TANC2: variants seen among roughly 807,000 people sequenced by gnomAD.
The protein encoded by TANC2 is protein TANC2.
Under a neutral mutation model 210.5 loss-of-function variants are expected in TANC2, and 26 were observed. That is an observed-to-expected ratio of 0.12 (90% CI 0.09 to 0.17). The LOEUF (loss-of-function observed/expected upper bound fraction) is 0.17, where lower values mean the gene tolerates loss of function less well. TANC2 is among the 10% of genes least tolerant of loss of function. The pLI is 1.00. For missense variants in TANC2, 2,129 were observed against 2,608.9 expected (o/e 0.82, Z 4.01); for synonymous variants, 931 against 967.1 (o/e 0.96, Z 0.69).
At chr17:63,267,611 T>C (rs1439456322) in intron 8 of TANC2, 137 bp from the exon 9 acceptor site, 6 of 721,848 alleles carry the variant, frequency 8.3e-6, no homozygotes, top group Non-Finnish European at 1.3e-5. Context: ...AATACATGTA[T>C]TTTATATATA....
At position 63,421,663 on chromosome 17, in the gene TANC2, C is replaced by A; in HGVS notation, c.5933C>A (p.Pro1978Gln). ...CCTCAGCCTGAGTCCTTCAGTCCAC[C>A]ATCATCCATCAGCAACATTGCCTTT... Residue 1978 changes from proline (P) to glutamine (Q), a missense_variant, in exon 28 of 28, where the codon CCA (proline) becomes CAA (glutamine). Around this residue, in one of 5 missense-constraint regions of TANC2, gnomAD observed 161 missense variants for 178.6 expected, o/e 0.90. Coordinates refer to ENST00000689528, the Ensembl canonical transcript of TANC2. The surrounding 1 kb of genome is among the most constrained non-coding windows in gnomAD (Gnocchi z 6.9). 6.2e-7 allele frequency: 1 copy of A among 1,614,044 alleles called. No individual in the cohort carries two copies. Among genetic ancestry groups the A allele is most frequent in the Non-Finnish European group, 8.5e-7 (1 of 1,179,884 alleles).
chr17:63,291,386 G>C (rs2044378442), intron 9 of TANC2, among the ~76,000 whole-genome samples: 1 of 152,176 alleles, frequency 6.6e-6, no homozygotes, highest in South Asian at 2.1e-4. Flanking sequence ...CTCTGCAGTT[G>C]AGAGTGGAAA....
At chr17:63,101,083 A>C (rs1030360787) in intron 4 of TANC2, among the ~76,000 whole-genome samples, 1 of 152,220 alleles carries the variant, frequency 6.6e-6, no homozygotes, top group Non-Finnish European at 1.5e-5. Flanking sequence ...TTTTCTGCCA[A>C]GTGAAGCAGA....
chr17:63,181,799 T>G (rs1187452238), intron 5 of TANC2, among the ~76,000 whole-genome samples: 2 of 152,190 alleles, frequency 1.3e-5, no homozygotes, highest in African/African-American at 4.8e-5. Flanking sequence ...TGTTGCTGTT[T>G]CCCTTGCTCT....
intron 4 of TANC2, among the ~76,000 whole-genome samples, chr17:63,147,788 A>G (rs1307908973): frequency 1.3e-5 from 2 of 152,208 alleles, no homozygotes; most frequent in Non-Finnish European, 2.9e-5. Context: ...AAGGCATAAC[A>G]TATTGTATTT....
At chr17:63,129,898 A>G (rs761866336) in intron 4 of TANC2, among the ~76,000 whole-genome samples, 5 of 152,076 alleles carry the variant, frequency 3.3e-5, no homozygotes, top group Non-Finnish European at 5.9e-5. Context: ...ATAATGTAAT[A>G]ATTTTGAAAA....
intron 7 of TANC2, among the ~76,000 whole-genome samples, chr17:63,202,622 G>C (rs1198166654): frequency 6.6e-6 from 1 of 151,972 alleles, no homozygotes; most frequent in African/African-American, 2.4e-5. Context: ...TGAATGTATG[G>C]GCTTATATTT....
chr17:63,090,216 T>G (rs912635592), intron 3 of TANC2, among the ~76,000 whole-genome samples: 6 of 37,124 alleles, frequency 1.6e-4, no homozygotes, highest in Admixed American at 4.3e-4. Flanking sequence ...TTTTTTTGAG[T>G]TTTTTTTTTT....
At chr17:63,312,268 G>A (rs1352114190) in intron 9 of TANC2, among the ~76,000 whole-genome samples, 1 of 152,118 alleles carries the variant, frequency 6.6e-6, no homozygotes, top group Non-Finnish European at 1.5e-5. Context: ...GCATGCGTAT[G>A]TTCATTAAAA....
chr17:62,990,924 GAA>G (rs2032827986), intron 1 of TANC2, among the ~76,000 whole-genome samples: 1 of 152,160 alleles, frequency 6.6e-6, no homozygotes, highest in African/African-American at 2.4e-5. Flanking sequence ...TGAGGTCAGA[GAA>G]TGTTCACAGG....
intron 12 of TANC2, among the ~76,000 whole-genome samples, chr17:63,341,595 G>A (rs928699304): frequency 2.0e-5 from 3 of 152,146 alleles, no homozygotes; most frequent in Non-Finnish European, 4.4e-5. Flanking sequence ...CTCATTGCTG[G>A]ACATGACTGG....
intron 1 of TANC2, among the ~76,000 whole-genome samples, chr17:63,001,822 A>C (rs1396264980): frequency 6.6e-6 from 1 of 152,206 alleles, no homozygotes. Flanking sequence ...TGTTGAGATT[A>C]CAGGTATAAG....
At position 63,084,067 on chromosome 17, in the gene TANC2, T is replaced by A. The variant is rs560271497; in HGVS notation, c.139+10053T>A. On this transcript the variant is annotated intron_variant, in intron 3 of 27. Coordinates refer to ENST00000689528, the Ensembl canonical transcript of TANC2. ...GATTGTAGAGAATATGTGTAATTTC[T>A]TCCATAAATGTTTAGTAGAATTTAC... is the stretch of plus-strand genomic sequence containing the variant. Among the ~76,000 whole-genome samples, 6 of 152,316 alleles carry A rather than the reference T, an allele frequency of 3.9e-5. No individual in the cohort carries two copies. In the South Asian group the frequency reaches 1.2e-3, roughly 32 times the overall value.
Position 63,124,927 on chromosome 17 carries a change from A to G in TANC2, c.322+25570A>G, listed in dbSNP as rs147357532. Reference sequence around the variant, plus strand: ...CATCTCAAAACCATCCCCACCCCCAACAAAAATTGTCTTCCGCAAAATGGG... The same window carrying G: ...CATCTCAAAACCATCCCCACCCCCAGCAAAAATTGTCTTCCGCAAAATGGG... On this transcript the variant is annotated intron_variant, in intron 4 of 27. Transcript: ENST00000689528. Among the ~76,000 whole-genome samples the G allele has an allele frequency of 1.7e-3, 263 of 152,264 alleles. 1 individual carries two copies. The highest frequency in any genetic ancestry group is 6.1e-3 in the African/African-American group (255 of 41,558).
intron 15 of TANC2, among the ~76,000 whole-genome samples, chr17:63,383,844 T>C (rs985557430): frequency 6.6e-6 from 1 of 152,182 alleles, no homozygotes; most frequent in African/African-American, 2.4e-5. Context: ...TGATCAGTAG[T>C]ATTTTTGAAA....
At chr17:63,288,418 G>T (rs968815495) in intron 9 of TANC2, among the ~76,000 whole-genome samples, 20 of 152,174 alleles carry the variant, frequency 1.3e-4, no homozygotes, top group African/African-American at 4.1e-4. Flanking sequence ...AATTCATTAA[G>T]ATCTGTTTTA....
intron 2 of TANC2, among the ~76,000 whole-genome samples, chr17:63,036,049 A>G (rs930090586): frequency 6.6e-6 from 1 of 151,674 alleles, no homozygotes; most frequent in Admixed American, 6.6e-5. Flanking sequence ...TTGTTTTCTC[A>G]TTGGTGTATT....
intron 5 of TANC2, chr17:63,152,409 G>A (rs1046224776): frequency 6.6e-5 from 10 of 152,020 alleles, no homozygotes; most frequent in African/African-American, 2.2e-4. Flanking sequence ...AATGAGAGAC[G>A]TTTCATTTTA....
In TANC2 at chr17:63,189,907, A is replaced by C. The variant is rs554997625; in HGVS notation, c.434-4084A>C. On this transcript the variant is annotated intron_variant, in intron 5 of 27. Coordinates refer to ENST00000689528, the Ensembl canonical transcript of TANC2. ...TTTAGCTTATACATTTAGGTCCACA[A>C]TACATTTTTAGTTAATTTTGATATA... is the stretch of plus-strand genomic sequence containing the variant. Among the ~76,000 whole-genome samples, 13 of 152,326 alleles carry C rather than the reference A, an allele frequency of 8.5e-5. No individual in the cohort carries two copies. The South Asian group carries it at 2.7e-3, about 32-fold the overall frequency.
Sources: allele counts gnomAD v4.1 joint callset (sites outside exome capture counted in the v4.1 genomes callset), GRCh38; gene constraint gnomAD v4.1.1; regional missense constraint gnomAD v4.1.1; non-coding constraint Gnocchi (gnomAD v3.1); transcripts MANE v1.5; gene names NCBI Gene and HGNC (gene_info 2026-07-23, HGNC 2026-07-21).